SNTG1: variants seen among roughly 807,000 people sequenced by gnomAD.
SNTG1 encodes syntrophin gamma 1.
SNTG1 carries 39 observed loss-of-function variants against 74.7 expected under a neutral mutation model. The observed-to-expected ratio is 0.52, with a 90% CI of 0.40 to 0.68. The LOEUF is 0.68. Among genes scored for constraint, SNTG1 ranks in the 30% least tolerant of loss-of-function variants. The pLI is 0.00. For synonymous variants in SNTG1, 254 were observed against 217.1 expected (o/e 1.17, Z -1.49); for missense variants, 685 against 609.5 (o/e 1.12, Z -1.30).
intron 2 of SNTG1, among the ~76,000 whole-genome samples, chr8:50,210,458 A>C (rs1236797604): frequency 6.6e-6 from 1 of 152,202 alleles, no homozygotes; most frequent in African/African-American, 2.4e-5. Flanking sequence ...GACGGAAAAA[A>C]TGTTAAGGGC....
chr8:50,638,197 G>T (rs538871189), intron 13 of SNTG1, among the ~76,000 whole-genome samples: 13 of 152,166 alleles, frequency 8.5e-5, no homozygotes, highest in Non-Finnish European at 1.3e-4. Context: ...CATCTCTAGA[G>T]CTTCTTGAAT....
At chr8:50,667,612 C>T (rs7017813) in intron 15 of SNTG1, among the ~76,000 whole-genome samples, 6,671 of 151,968 alleles carry the variant, frequency 0.044, 390 homozygotes, top group African/African-American at 0.12. Flanking sequence ...AATTGGCTCC[C>T]CAAGTCCCTA....
chr8:50,782,418 T>C (rs930206595), intron 18 of SNTG1, among the ~76,000 whole-genome samples: 4 of 152,208 alleles, frequency 2.6e-5, no homozygotes, highest in Non-Finnish European at 5.9e-5. Context: ...TTATTCTTTT[T>C]TCTCTAAACT....
At chr8:50,242,070 C>T (rs2086188030) in intron 2 of SNTG1, among the ~76,000 whole-genome samples, 2 of 151,732 alleles carry the variant, frequency 1.3e-5, no homozygotes, top group South Asian at 2.1e-4. Flanking sequence ...CACACAGATA[C>T]ACACACACAT....
At chr8:50,199,582 T>A (rs1311826998) in intron 2 of SNTG1, among the ~76,000 whole-genome samples, 1 of 152,108 alleles carries the variant, frequency 6.6e-6, no homozygotes, top group African/African-American at 2.4e-5. Context: ...CCCAAAATTG[T>A]GTTGAAGCAA....
At chr8:50,239,252 G>C (rs1026084604) in intron 2 of SNTG1, among the ~76,000 whole-genome samples, 1 of 152,154 alleles carries the variant, frequency 6.6e-6, no homozygotes, top group African/African-American at 2.4e-5. Flanking sequence ...ATGCCCATCA[G>C]TGGAAGACTG....
intron 2 of SNTG1, among the ~76,000 whole-genome samples, chr8:50,179,072 T>C (rs1337587069): frequency 6.6e-6 from 1 of 152,198 alleles, no homozygotes; most frequent in African/African-American, 2.4e-5. Context: ...GTTATCCTAA[T>C]GTCATTGTGT....
chr8:50,252,598 A>T (rs1431760856), intron 2 of SNTG1, among the ~76,000 whole-genome samples: 1 of 152,192 alleles, frequency 6.6e-6, no homozygotes. Context: ...TGAGGGCCTC[A>T]GGATGCTTCC....
intron 12 of SNTG1, among the ~76,000 whole-genome samples, chr8:50,555,647 C>T (rs958341696): frequency 3.3e-5 from 5 of 151,886 alleles, no homozygotes; most frequent in African/African-American, 9.7e-5. Flanking sequence ...TTGTATAAGT[C>T]TGACTTGAAT....
At chr8:50,363,131 G>A (rs1267469228) in intron 2 of SNTG1, among the ~76,000 whole-genome samples, 1 of 152,098 alleles carries the variant, frequency 6.6e-6, no homozygotes, top group African/African-American at 2.4e-5. Flanking sequence ...GTAAAGCCTA[G>A]AGAAACTTCT....
chr8:50,515,916 G>A (rs1264893985), intron 9 of SNTG1, among the ~76,000 whole-genome samples: 1 of 152,104 alleles, frequency 6.6e-6, no homozygotes, highest in Non-Finnish European at 1.5e-5. Flanking sequence ...GGCTCTGAAT[G>A]GATCTCCCAG....
At chr8:50,419,560 G>T (rs1043602350) in intron 4 of SNTG1, among the ~76,000 whole-genome samples, 2 of 152,106 alleles carry the variant, frequency 1.3e-5, no homozygotes. Flanking sequence ...AATGGAGTCG[G>T]TTGAGACCTC....
chr8:50,505,832 T>C (rs970801579), intron 9 of SNTG1, among the ~76,000 whole-genome samples: 5 of 152,128 alleles, frequency 3.3e-5, no homozygotes, highest in Non-Finnish European at 5.9e-5. Context: ...GATCATTTTA[T>C]TTATTTTACA....
chr8:50,697,340 A>G (rs957945541), intron 15 of SNTG1, among the ~76,000 whole-genome samples: 2 of 152,082 alleles, frequency 1.3e-5, no homozygotes, highest in Non-Finnish European at 2.9e-5. Context: ...TAGTCTTCAG[A>G]TTTTTTGAGA....
At position 49,914,387 on chromosome 8, in the gene SNTG1, A is replaced by G. The variant is rs181569228; in HGVS notation, c.-103+2156A>G. 1.8e-4 allele frequency among the ~76,000 whole-genome samples: 27 copies of G among 151,822 alleles called. No homozygotes were observed. The East Asian group carries it at 4.8e-3, about 27-fold the overall frequency. ...AAAAAAAAAAAAAAAGTTTTATTGG[A>G]TAAGACTAAGTGTTGTTGGCTGTTG... On this transcript the variant is annotated intron_variant, in intron 1 of 18. Transcript: ENST00000642720.
intron 1 of SNTG1, among the ~76,000 whole-genome samples, chr8:49,996,951 G>T (rs1320574854): frequency 2.0e-5 from 3 of 152,080 alleles, no homozygotes; most frequent in Non-Finnish European, 4.4e-5. Flanking sequence ...AAGACGATTT[G>T]AACTTGTTTT....
intron 1 of SNTG1, among the ~76,000 whole-genome samples, chr8:50,153,113 C>T (rs1463757777): frequency 2.0e-5 from 3 of 152,154 alleles, no homozygotes; most frequent in Non-Finnish European, 1.5e-5. Context: ...TCTTTTTACT[C>T]TTTTTTCTCT....
At chr8:49,986,396 A>G (rs1813155274) in intron 1 of SNTG1, among the ~76,000 whole-genome samples, 1 of 152,156 alleles carries the variant, frequency 6.6e-6, no homozygotes, top group Non-Finnish European at 1.5e-5. Context: ...CTAATTATCG[A>G]TTAAGTCAAT....
intron 11 of SNTG1, among the ~76,000 whole-genome samples, chr8:50,547,403 TA>T (rs1425557643): frequency 6.6e-6 from 1 of 152,120 alleles, no homozygotes; most frequent in African/African-American, 2.4e-5. Flanking sequence ...TGTAGGGGAT[TA>T]AAAAAGAAAC....
Sources: gnomAD v4.1 joint callset for allele counts (sites outside exome capture counted in the v4.1 genomes callset) on GRCh38, gnomAD v4.1.1 for gene constraint, MANE v1.5 for transcripts, NCBI Gene and HGNC (gene_info 2026-07-23, HGNC 2026-07-21) for gene names.